Variants in ZDHHC21 observed in about 807,000 individuals in gnomAD.
ZDHHC21 encodes palmitoyltransferase ZDHHC21.
Under a neutral mutation model 34.6 loss-of-function variants are expected in ZDHHC21, and 15 were observed. The ratio of observed to expected loss-of-function variants is 0.43; its 90% CI spans 0.29 to 0.67. The LOEUF is 0.67. ZDHHC21 is among the 30% of genes least tolerant of loss of function. The pLI is 0.14. For missense variants in ZDHHC21, 344 were observed against 327.7 expected, an observed-to-expected ratio of 1.05 and a Z score of -0.38; for synonymous variants, 142 against 101.8, an observed-to-expected ratio of 1.40 and a Z score of -2.38.
rs1445170929 is a variant in ZDHHC21 at position 14,612,609 on chromosome 9, T to C, written c.*6357A>G. ...GTAACCATATCCAGACTTTTTTCTT[T>C]CATTAAGTTCAATTTTCTGTTATCA... On this transcript the variant is annotated 3_prime_UTR_variant, in exon 10 of 10. Transcript: ENST00000380916. 1 of 151,910 alleles carries C rather than the reference T, an allele frequency of 6.6e-6. No individual in the cohort carries two copies. The highest frequency in any genetic ancestry group is 6.6e-5 in the Admixed American group (1 of 15,188). The allele number at this position is 151,910 out of a possible 1,614,324, so 9.4% of individuals were successfully genotyped here. A position where few individuals can be genotyped will look rare whatever the true frequency, so the allele number is the denominator to read the frequency against.
chr9:14,673,008 T>C (rs1295642627), intron 4 of ZDHHC21, 80 bp from the exon 5 acceptor site: 3 of 925,570 alleles, frequency 3.2e-6, no homozygotes, highest in African/African-American at 1.7e-5. Flanking sequence ...AAGTTTAAAA[T>C]GTATATTTTA....
chr9:14,619,234 C>G, intron 9 of ZDHHC21, 136 bp from the exon 10 acceptor site: 2 of 978,138 alleles, frequency 2.0e-6, no homozygotes, highest in Non-Finnish European at 2.9e-6. Flanking sequence ...TACAGCTTTT[C>G]TTTCATTATG....
intron 7 of ZDHHC21, among the ~76,000 whole-genome samples, chr9:14,641,711 TCA>T: frequency 6.6e-6 from 1 of 152,196 alleles, no homozygotes. Flanking sequence ...TCACAATAAT[TCA>T]CATTCTGCAA....
downstream of ZDHHC21, among the ~76,000 whole-genome samples, chr9:14,607,402 T>A (rs566778290): frequency 2.0e-5 from 3 of 151,142 alleles, no homozygotes; most frequent in East Asian, 1.9e-4. Flanking sequence ...AGACCCTGTA[T>A]CCAAAAAAAA....
intron 7 of ZDHHC21, among the ~76,000 whole-genome samples, chr9:14,658,397 C>A (rs572435360): frequency 5.7e-5 from 8 of 139,232 alleles, no homozygotes; most frequent in African/African-American, 2.0e-4. Flanking sequence ...ATCTTTTGTA[C>A]TTAAAGGAAC....
the ZDHHC21 span, among the ~76,000 whole-genome samples, chr9:14,592,823 C>T: frequency 2.6e-5 from 4 of 152,064 alleles, no homozygotes; most frequent in Non-Finnish European, 5.9e-5. Flanking sequence ...GTGTGTTTTA[C>T]AGCCACAAAG....
chr9:14,595,847 A>G, the ZDHHC21 span, among the ~76,000 whole-genome samples: 1 of 152,240 alleles, frequency 6.6e-6, no homozygotes, highest in Non-Finnish European at 1.5e-5. Context: ...GTTCAACATC[A>G]TTAGCCATCA....
At chr9:14,682,657 G>A (rs895987427) in intron 2 of ZDHHC21, among the ~76,000 whole-genome samples, 2 of 152,068 alleles carry the variant, frequency 1.3e-5, no homozygotes, top group African/African-American at 2.4e-5. Context: ...GGATATCCAG[G>A]AATTAAACTC....
rs961380546 is a variant in ZDHHC21, at chr9:14,678,382, C to G, written c.-46+1651G>C. 2.6e-5 allele frequency among the ~76,000 whole-genome samples: 4 copies of G among 151,936 alleles called. No individual in the cohort carries two copies. In the East Asian group the frequency reaches 5.8e-4, roughly 22 times the overall value. Reference sequence around the variant, plus strand: ...CTGGAAAAAATACTGCAACACATGACCGACAAGAGGCATACAACATAAATA... The same window carrying G: ...CTGGAAAAAATACTGCAACACATGAGCGACAAGAGGCATACAACATAAATA... On this transcript the variant is annotated intron_variant, in intron 3 of 9. Coordinates refer to ENST00000380916, the MANE Select transcript of ZDHHC21 (RefSeq NM_178566.6).
rs1427933738 is a variant in ZDHHC21 at position 14,616,636 on chromosome 9, T to C, written c.*2330A>G. On this transcript the variant is annotated 3_prime_UTR_variant, in exon 10 of 10. Transcript: ENST00000380916. Reference sequence around the variant, plus strand: ...GCCAGTTGGTTTTTCTCTAGTAGTCTAATAAGAATTAACAAAACCCACAGG... The same window carrying C: ...GCCAGTTGGTTTTTCTCTAGTAGTCCAATAAGAATTAACAAAACCCACAGG... 1.3e-5 allele frequency: 2 copies of C among 151,780 alleles called. No individual in the cohort carries two copies. The highest frequency in any genetic ancestry group is 4.8e-5 in the African/African-American group (2 of 41,404). 9.4% of individuals were successfully genotyped at this position (151,780 alleles called of 1,614,324 possible).
At chr9:14,607,792 T>C (rs1254086560), downstream of ZDHHC21, among the ~76,000 whole-genome samples, 1 of 152,162 alleles carries the variant, frequency 6.6e-6, no homozygotes, top group South Asian at 2.1e-4. Context: ...AAGAAGACTC[T>C]ACAGGGCTTT....
rs1365588008 is a variant in ZDHHC21, at chr9:14,665,499, G to A, written c.254-3173C>T. ...TTCAGATTCAGGAAATACAGAGAAC[G>A]CCACAAAGATACTCCCCAAGAAGAA... is the stretch of plus-strand genomic sequence containing the variant. On this transcript the variant is annotated intron_variant, in intron 5 of 9. Coordinates refer to ENST00000380916, the MANE Select transcript of ZDHHC21 (RefSeq NM_178566.6). Among the ~76,000 whole-genome samples, 15 of 151,554 alleles carry A rather than the reference G, an allele frequency of 9.9e-5. No homozygotes were observed. In the East Asian group the frequency reaches 2.1e-3, roughly 22 times the overall value.
intron 8 of ZDHHC21, among the ~76,000 whole-genome samples, chr9:14,627,642 T>A (rs996400065): frequency 2.0e-5 from 3 of 152,128 alleles, no homozygotes; most frequent in African/African-American, 7.2e-5. Context: ...ACAAAAATGC[T>A]TGTATATAAA....
chr9:14,596,834 G>C, the ZDHHC21 span, among the ~76,000 whole-genome samples: 2 of 152,160 alleles, frequency 1.3e-5, no homozygotes, highest in Non-Finnish European at 2.9e-5. Context: ...TAAACAGTGA[G>C]TAGAAGATCA....
Position 14,630,597 on chromosome 9 carries a change from T to G in ZDHHC21, c.621+9299A>C, listed in dbSNP as rs150090161. Among the ~76,000 whole-genome samples, 1,382 of 152,330 alleles carry G rather than the reference T, an allele frequency of 9.1e-3. 25 individuals carry two copies. Among genetic ancestry groups the G allele is most frequent in the African/African-American group, 0.031 (1,268 of 41,570 alleles). ...CTTTTCCAGAAGGTTTTCAATGTAC[T>G]TTCTCCAGATCCATCAGAGGAATCA... On this transcript the variant is annotated intron_variant, in intron 8 of 9. Transcript: ENST00000380916.
rs1363408389 is a variant in ZDHHC21, at chr9:14,614,269, T to A, written c.*4697A>T. On this transcript the variant is annotated 3_prime_UTR_variant, in exon 10 of 10. Transcript: ENST00000380916. The stretch of plus-strand genomic sequence containing the variant: ...AAGAACATAATAATAGTAAAAAATA[T>A]AATGATAATGGAAAGTATCAGTAAT... The A allele has an allele frequency of 1.3e-5, 2 of 148,334 alleles. No homozygotes were observed. The highest frequency in any genetic ancestry group is 2.5e-5 in the African/African-American group (1 of 40,366). The allele number at this position is 148,334 out of a possible 1,614,324, so 9.2% of individuals were successfully genotyped here. A position where few individuals can be genotyped will look rare whatever the true frequency, so the allele number is the denominator to read the frequency against.
chr9:14,592,258 C>G, the ZDHHC21 span, among the ~76,000 whole-genome samples: 55 of 152,160 alleles, frequency 3.6e-4, no homozygotes, highest in Middle Eastern at 6.8e-3. Flanking sequence ...TGTAACTCAT[C>G]ACAATCTATT....
intron 2 of ZDHHC21, among the ~76,000 whole-genome samples, chr9:14,686,744 G>A (rs938503845): frequency 1.3e-5 from 2 of 151,708 alleles, no homozygotes; most frequent in African/African-American, 4.9e-5. Flanking sequence ...AGGCCGAGGT[G>A]GGAGGATCAC....
intron 8 of ZDHHC21, among the ~76,000 whole-genome samples, chr9:14,634,842 T>C (rs540844740): frequency 6.6e-6 from 1 of 151,914 alleles, no homozygotes; most frequent in Admixed American, 6.6e-5. Context: ...CAATAAAATA[T>C]TACAATCAAA....
Sources: allele counts gnomAD v4.1 joint callset (sites outside exome capture counted in the v4.1 genomes callset), GRCh38; gene constraint gnomAD v4.1.1; transcripts MANE v1.5; gene names NCBI Gene and HGNC (gene_info 2026-07-23, HGNC 2026-07-21).